MSTO1: variants seen among roughly 807,000 people sequenced by gnomAD.
MSTO1 encodes the protein protein misato homolog 1.
MSTO1 carries 24 observed loss-of-function variants against 55.7 expected under a neutral mutation model. That is an observed-to-expected ratio of 0.43 (90% CI 0.31 to 0.61). The LOEUF (loss-of-function observed/expected upper bound fraction) is 0.61, where lower values mean the gene tolerates loss of function less well. MSTO1 is among the 20% of genes least tolerant of loss of function. The pLI is 0.09. For missense variants in MSTO1, 363 were observed against 625.7 expected (o/e 0.58, Z 4.48); for synonymous variants, 162 against 252.8 (o/e 0.64, Z 3.41).
chr1:155,600,348 CAT>C, the MSTO1 span, among the ~76,000 whole-genome samples: 2 of 152,320 alleles, frequency 1.3e-5, no homozygotes, highest in East Asian at 3.9e-4. Context: ...TGACTCAGCA[CAT>C]GTTTCAGAGA....
At chr1:155,608,475 C>T (rs966551529), upstream of MSTO1, among the ~76,000 whole-genome samples, 3 of 152,030 alleles carry the variant, frequency 2.0e-5, no homozygotes, top group Non-Finnish European at 4.4e-5. Flanking sequence ...CCTCTGCGCC[C>T]AACCAATATT....
chr1:155,612,893 C>T lies in MSTO1; in HGVS notation c.1016C>T (p.Thr339Ile). 1 of 1,613,946 alleles carries T rather than the reference C, an allele frequency of 6.2e-7. No individual in the cohort carries two copies. Among genetic ancestry groups the T allele is most frequent in the Non-Finnish European group, 8.5e-7 (1 of 1,179,810 alleles). The change falls in exon 10 of 14, where the codon ACA (threonine) becomes ATA (isoleucine). Residue 339 changes from threonine to isoleucine, a missense_variant. By Grantham distance (89) the Thr-to-Ile change is moderately conservative (BLOSUM62 -1). Transcript: ENST00000245564. ...GCCATCCTGGCTACAGCCCTGGACA[C>T]AGTCACTGTTCCTTATCGCCTGTGT... ...CSAILATALD[T>I]VTVPYRLCSS...
the MSTO1 span, among the ~76,000 whole-genome samples, chr1:155,603,611 A>C: frequency 6.6e-6 from 1 of 152,116 alleles, no homozygotes; most frequent in African/African-American, 2.4e-5. Context: ...TAATCCCAGC[A>C]CTTTGGGAGG....
At chr1:155,609,243 A>ATATATT (rs59756178), upstream of MSTO1, among the ~76,000 whole-genome samples, 301 of 54,534 alleles carry the variant, frequency 5.5e-3, 8 homozygotes, top group Non-Finnish European at 7.6e-3. Flanking sequence ...ATATATATAT[A>ATATATT]TTTTTTTTTT....
At chr1:155,579,889 C>A in the MSTO1 span, among the ~76,000 whole-genome samples, 1 of 151,564 alleles carries the variant, frequency 6.6e-6, no homozygotes, top group East Asian at 1.9e-4. Flanking sequence ...ACCAGACTGG[C>A]CAAAATGGTG....
chr1:155,579,653 G>T, the MSTO1 span, among the ~76,000 whole-genome samples: 1 of 152,168 alleles, frequency 6.6e-6, no homozygotes, highest in African/African-American at 2.4e-5. Context: ...ACGTGTACCT[G>T]ATGGGACTGT....
chr1:155,568,971 C>T, the MSTO1 span, among the ~76,000 whole-genome samples: 107 of 151,906 alleles, frequency 7.0e-4, 3 homozygotes, highest in South Asian at 0.021. Flanking sequence ...CCTCCTGCCT[C>T]AGCCTCCTGA....
chr1:155,599,647 AC>A, the MSTO1 span, among the ~76,000 whole-genome samples: 1 of 152,286 alleles, frequency 6.6e-6, no homozygotes, highest in East Asian at 1.9e-4. Context: ...AAATAAGGGG[AC>A]CAGGGGAACC....
chr1:155,611,270 C>G lies in MSTO1; in HGVS notation c.345C>G (p.Leu115=). ...AACTCTATCCCAAGAACCCTTATCT[C>G]CAAGACTTTCTGAGTGCAGAGGTGA... The part of the protein sequence containing the change: ...KEELYPKNPY[L]QDFLSAEGVL... The change falls in exon 4 of 14, where the codon CTC becomes CTG. Residue 115 remains leucine (L), a synonymous_variant. Coordinates refer to ENST00000245564, the MANE Select transcript of MSTO1 (RefSeq NM_018116.4). 1 of 1,612,808 alleles carries G rather than the reference C, an allele frequency of 6.2e-7. No individual in the cohort carries two copies. Among genetic ancestry groups the G allele is most frequent in the Non-Finnish European group, 8.5e-7 (1 of 1,179,558 alleles).
the MSTO1 span, among the ~76,000 whole-genome samples, chr1:155,589,604 C>A: frequency 5.3e-5 from 8 of 152,158 alleles, no homozygotes; most frequent in Non-Finnish European, 1.2e-4. Context: ...GTGCAGCCTT[C>A]AGTCTGTGGC....
the MSTO1 span, among the ~76,000 whole-genome samples, chr1:155,565,010 A>T: frequency 6.6e-6 from 1 of 151,900 alleles, no homozygotes; most frequent in Non-Finnish European, 1.5e-5. Flanking sequence ...AATCCCAGCT[A>T]CTCGGGAGGC....
At chr1:155,609,493 C>G (rs1030783480), upstream of MSTO1, among the ~76,000 whole-genome samples, 9 of 151,730 alleles carry the variant, frequency 5.9e-5, no homozygotes, top group African/African-American at 2.2e-4. Flanking sequence ...CGTGATCTGC[C>G]CGCCTCAGCC....
At chr1:155,572,873 C>T in the MSTO1 span, among the ~76,000 whole-genome samples, 2 of 152,042 alleles carry the variant, frequency 1.3e-5, no homozygotes, top group Non-Finnish European at 2.9e-5. Context: ...TGGTCTCGAA[C>T]TCCCGACCTC....
upstream of MSTO1, chr1:155,609,678 GATAC>G (rs1673415013): frequency 6.5e-6 from 1 of 153,732 alleles, no homozygotes; most frequent in Non-Finnish European, 1.4e-5. Flanking sequence ...GACGCCAACA[GATAC>G]ATACTCTCTT....
chr1:155,612,432 C>T lies in MSTO1; in HGVS notation c.828C>T (p.Asn276=). 1.2e-6 allele frequency: 2 copies of T among 1,612,960 alleles called. No individual in the cohort carries two copies. Among genetic ancestry groups the T allele is most frequent in the South Asian group, 1.1e-5 (1 of 91,002 alleles). The stretch of plus-strand genomic sequence containing the variant: ...TTCTTCACCAGGAGGCCCAGAGAAA[C>T]ATCTATCGTCTATTAAACACAGCTT... ...GPYHRGEAQR[N]IYRLLNTAFG... The change falls in exon 9 of 14, where the codon AAC becomes AAT. Residue 276 remains asparagine (N), a synonymous_variant. Coordinates refer to ENST00000245564, the MANE Select transcript of MSTO1 (RefSeq NM_018116.4).
the MSTO1 span, among the ~76,000 whole-genome samples, chr1:155,574,146 C>T: frequency 6.6e-6 from 1 of 151,856 alleles, no homozygotes; most frequent in Non-Finnish European, 1.5e-5. Flanking sequence ...TCGCTTGAGC[C>T]CAGGAGTTGA....
chr1:155,596,676 A>T, the MSTO1 span, among the ~76,000 whole-genome samples: 1 of 152,000 alleles, frequency 6.6e-6, no homozygotes, highest in Non-Finnish European at 1.5e-5. Flanking sequence ...AGTCCAAGCT[A>T]CTCAAGAGGT....
At chr1:155,589,106 T>A in the MSTO1 span, among the ~76,000 whole-genome samples, 3 of 152,124 alleles carry the variant, frequency 2.0e-5, no homozygotes, top group Non-Finnish European at 4.4e-5. Context: ...GAGACCAGCC[T>A]GGCCAACATA....
downstream of MSTO1, chr1:155,614,958 G>C (rs565185528): frequency 1.1e-6 from 1 of 932,530 alleles, no homozygotes; most frequent in South Asian, 1.4e-5. Flanking sequence ...AAAATCTTTT[G>C]TTTATTCCAC....
Sources: gnomAD v4.1 joint callset for allele counts (sites outside exome capture counted in the v4.1 genomes callset) on GRCh38, gnomAD v4.1.1 for gene constraint, MANE v1.5 for transcripts, NCBI Gene and HGNC (gene_info 2026-07-23, HGNC 2026-07-21) for gene names.